Variants in KLF12 observed in about 807,000 individuals in gnomAD.
KLF12 encodes KLF transcription factor 12, also known as Krueppel-like factor 12.
In KLF12, 9 loss-of-function variants were observed where a neutral mutation model predicts 37.8. The observed-to-expected ratio is 0.24, with a 90% CI of 0.14 to 0.42. KLF12 has a LOEUF of 0.42. Among genes scored for constraint, KLF12 ranks in the 10% least tolerant of loss-of-function variants. The pLI is 1.00. For synonymous variants in KLF12, 208 were observed against 202.1 expected, an observed-to-expected ratio of 1.03 and a Z score of -0.25; for missense variants, 411 against 516.0, an observed-to-expected ratio of 0.80 and a Z score of 1.97.
chr13:74,286,257 G>C, the KLF12 span, among the ~76,000 whole-genome samples: 1 of 152,002 alleles, frequency 6.6e-6, no homozygotes, highest in Non-Finnish European at 1.5e-5. Flanking sequence ...TGTATACAAC[G>C]AAAAGTACAG....
intron 7 of KLF12, among the ~76,000 whole-genome samples, chr13:73,695,953 A>G (rs528606476): frequency 1.3e-5 from 2 of 152,302 alleles, no homozygotes; most frequent in South Asian, 4.1e-4. Flanking sequence ...CACTGGATAT[A>G]TCACCACTAG....
intron 2 of KLF12, among the ~76,000 whole-genome samples, chr13:73,968,914 CCT>C (rs781342106): frequency 7.2e-5 from 11 of 152,080 alleles, no homozygotes; most frequent in Non-Finnish European, 1.5e-4. Flanking sequence ...CCACCTCTCC[CCT>C]GAGTTCTGGA....
chr13:73,694,092 T>C lies in KLF12; in HGVS notation c.*1398A>G, dbSNP rs1301418141. The C allele has an allele frequency of 2.0e-5, 3 of 152,556 alleles. No homozygotes were observed. The highest frequency in any genetic ancestry group is 7.2e-5 in the African/African-American group (3 of 41,412). 9.5% of individuals were successfully genotyped at this position (152,556 alleles called of 1,614,324 possible). A position where few individuals can be genotyped will look rare whatever the true frequency, so the allele number is the denominator to read the frequency against. On this transcript the variant is annotated 3_prime_UTR_variant, in exon 8 of 8. Coordinates refer to ENST00000377669, the MANE Select transcript of KLF12 (RefSeq NM_007249.5). ...TACAGTTTAGAAAATGAAATCGGTA[T>C]AGAAGAACCTATTGGAGAGTCACTT...
chr13:73,810,646 G>GACACACACACAT, intron 5 of KLF12, among the ~76,000 whole-genome samples: 1 of 150,888 alleles, frequency 6.6e-6, no homozygotes, highest in East Asian at 2.0e-4. Flanking sequence ...TATTTATAAA[G>GACACACACACAT]ACACACACAC....
the KLF12 span, among the ~76,000 whole-genome samples, chr13:74,188,526 T>C: frequency 6.6e-6 from 1 of 152,298 alleles, no homozygotes; most frequent in East Asian, 1.9e-4. Flanking sequence ...ATTTATTAAA[T>C]TGTGGCTCAA....
rs545779224 is a variant in KLF12 at position 73,876,742 on chromosome 13, C to T, written c.124-30369G>A. 5.9e-5 allele frequency among the ~76,000 whole-genome samples: 9 copies of T among 151,986 alleles called. No individual in the cohort carries two copies. In the Middle Eastern group the frequency reaches 0.01, roughly 174 times the overall value. ...AGAAATACTTTTCTGTGGCTGGGCG[C>T]GGTGGCTTATGCCTGCAATCCCAGC... On this transcript the variant is annotated intron_variant, in intron 3 of 7. Transcript: ENST00000377669.
At chr13:73,783,868 C>G (rs1341078757) in intron 5 of KLF12, among the ~76,000 whole-genome samples, 1 of 152,130 alleles carries the variant, frequency 6.6e-6, no homozygotes, top group African/African-American at 2.4e-5. Context: ...AAACCGGACA[C>G]AGTTCTAACA....
chr13:74,266,568 C>A, the KLF12 span, among the ~76,000 whole-genome samples: 1 of 152,146 alleles, frequency 6.6e-6, no homozygotes, highest in Admixed American at 6.6e-5. Context: ...CTGGTATCAT[C>A]CTGCTACGCT....
At chr13:74,080,949 G>A (rs1378025222) in intron 1 of KLF12, among the ~76,000 whole-genome samples, 2 of 152,114 alleles carry the variant, frequency 1.3e-5, no homozygotes, top group African/African-American at 2.4e-5. Flanking sequence ...ACAGTGGGAG[G>A]AGCCCTAGTC....
intron 1 of KLF12, among the ~76,000 whole-genome samples, chr13:74,120,842 A>T (rs1877585997): frequency 6.6e-6 from 1 of 152,138 alleles, no homozygotes; most frequent in African/African-American, 2.4e-5. Flanking sequence ...TTAATGATGT[A>T]TATTAGAGTC....
intron 1 of KLF12, among the ~76,000 whole-genome samples, chr13:74,039,028 T>C (rs1893331087): frequency 7.1e-6 from 1 of 141,284 alleles, no homozygotes; most frequent in Admixed American, 7.3e-5. Flanking sequence ...TTGCACAATA[T>C]GTGTGTTCCT....
chr13:74,194,395 T>C, the KLF12 span, among the ~76,000 whole-genome samples: 4 of 152,220 alleles, frequency 2.6e-5, no homozygotes, highest in Non-Finnish European at 5.9e-5. Context: ...ATTTATTTTC[T>C]CACAGTCGTG....
chr13:74,152,130 T>C, the KLF12 span, among the ~76,000 whole-genome samples: 1 of 152,178 alleles, frequency 6.6e-6, no homozygotes, highest in African/African-American at 2.4e-5. Flanking sequence ...TCCACTGGGC[T>C]CCTACAGTGA....
At chr13:74,035,912 A>G (rs1465767612) in intron 1 of KLF12, among the ~76,000 whole-genome samples, 1 of 152,182 alleles carries the variant, frequency 6.6e-6, no homozygotes, top group East Asian at 1.9e-4. Flanking sequence ...TTTATTTACT[A>G]TTCATAACTT....
intron 1 of KLF12, among the ~76,000 whole-genome samples, chr13:74,073,854 T>C (rs1593877674): frequency 6.6e-6 from 1 of 152,224 alleles, no homozygotes; most frequent in African/African-American, 2.4e-5. Flanking sequence ...TCTCTAGTTA[T>C]CATTATGCAT....
the KLF12 span, among the ~76,000 whole-genome samples, chr13:74,280,461 A>G: frequency 6.6e-6 from 1 of 152,224 alleles, no homozygotes; most frequent in South Asian, 2.1e-4. Context: ...CTTAAGCCAT[A>G]TAAAAATACA....
At chr13:73,882,000 C>T (rs534785372) in intron 3 of KLF12, among the ~76,000 whole-genome samples, 92 of 152,202 alleles carry the variant, frequency 6.0e-4, no homozygotes, top group African/African-American at 2.0e-3. Context: ...GCTTTGTCTA[C>T]GAAATGAACA....
the KLF12 span, among the ~76,000 whole-genome samples, chr13:74,266,093 G>A: frequency 2.0e-5 from 3 of 152,188 alleles, no homozygotes; most frequent in Non-Finnish European, 4.4e-5. Context: ...CATATCAACA[G>A]AGCTCCTGGC....
chr13:73,867,405 CGT>C (rs35268742), intron 3 of KLF12, among the ~76,000 whole-genome samples: 6 of 150,320 alleles, frequency 4.0e-5, no homozygotes, highest in East Asian at 2.0e-4. Flanking sequence ...TACATATATA[CGT>C]GTGTGTGTAT....
Sources: allele counts gnomAD v4.1 joint callset (sites outside exome capture counted in the v4.1 genomes callset), GRCh38; gene constraint gnomAD v4.1.1; transcripts MANE v1.5; gene names NCBI Gene and HGNC (gene_info 2026-07-23, HGNC 2026-07-21).